Variants in KCTD7 observed in about 807,000 individuals in gnomAD.
KCTD7 encodes BTB/POZ domain-containing protein KCTD7.
A neutral mutation model predicts 27.0 loss-of-function variants in KCTD7; 15 were observed. The observed-to-expected ratio is 0.56, with a 90% CI of 0.37 to 0.86. The LOEUF (loss-of-function observed/expected upper bound fraction) is 0.86, where lower values mean the gene tolerates loss of function less well. KCTD7 is among the 40% of genes least tolerant of loss of function. The pLI, the probability that KCTD7 is intolerant of heterozygous loss-of-function variation, is 0.00. For synonymous variants in KCTD7, 159 were observed against 162.7 expected (o/e 0.98, Z 0.17); for missense variants, 299 against 398.9 (o/e 0.75, Z 2.13).
rs115778754 is a variant in KCTD7 at position 66,640,851 on chromosome 7, A to G, written c.*1619A>G. ...ATCGTAAAAATAAATAAATAAATAA[A>G]TAAATTGGGGAGGACAGCCTCACTG... is the stretch of plus-strand genomic sequence containing the variant. On this transcript the variant is annotated 3_prime_UTR_variant, in exon 4 of 4. Coordinates refer to ENST00000639828, the MANE Select transcript of KCTD7 (RefSeq NM_153033.5). 4.9e-4 allele frequency: 485 copies of G among 983,896 alleles called. 1 individual carries two copies. In the African/African-American group the frequency reaches 7.5e-3, roughly 15 times the overall value. 60.9% of individuals were successfully genotyped at this position (983,896 alleles called of 1,614,324 possible).
intron 1 of KCTD7, 70 bp downstream of exon 1, chr7:66,629,278 C>G: frequency 4.5e-6 from 1 of 224,400 alleles, no homozygotes; most frequent in Non-Finnish European, 7.4e-6. Flanking sequence ...CGGGGCATAG[C>G]GGTCCTCGGC....
In KCTD7 at chr7:66,640,515, A is replaced by G. The variant is rs1584400733; in HGVS notation, c.*1283A>G. The G allele has an allele frequency of 6.6e-7, 1 of 1,510,820 alleles. No homozygotes were observed. Among genetic ancestry groups the G allele is most frequent in the Non-Finnish European group, 8.8e-7 (1 of 1,134,636 alleles). 93.6% of individuals were successfully genotyped at this position (1,510,820 alleles called of 1,614,324 possible). A position where few individuals can be genotyped will look rare whatever the true frequency, so the allele number is the denominator to read the frequency against. ...CCTAAAGGAAGAACTGTGTAGCACCATTGATCACAATGTAACATTTCCATG... is the reference window on the plus strand; with the variant it reads ...CCTAAAGGAAGAACTGTGTAGCACCGTTGATCACAATGTAACATTTCCATG... On this transcript the variant is annotated 3_prime_UTR_variant, in exon 4 of 4. Coordinates refer to ENST00000639828, the MANE Select transcript of KCTD7 (RefSeq NM_153033.5).
Position 66,628,961 on chromosome 7 carries a change from C to G in KCTD7, c.-104C>G. 1 of 1,232,904 alleles carries G rather than the reference C, an allele frequency of 8.1e-7. No homozygotes were observed. 76.4% of individuals were successfully genotyped at this position (1,232,904 alleles called of 1,614,324 possible). On this transcript the variant is annotated 5_prime_UTR_variant, in exon 1 of 4. Transcript: ENST00000639828. ...TGCCTCTCGCCCCCCTCCGGCCAGC[C>G]CGCAGCCGGCCGCGTCATGCCAGGC...
chr7:66,629,414 T>C (rs1786395376), intron 1 of KCTD7, among the ~76,000 whole-genome samples: 2 of 118,118 alleles, frequency 1.7e-5, no homozygotes, highest in South Asian at 6.0e-4. Context: ...TTACACCCAC[T>C]AGGTGTGCTT....
intron 1 of KCTD7, among the ~76,000 whole-genome samples, chr7:66,631,820 G>A (rs776612091): frequency 2.0e-5 from 3 of 152,228 alleles, no homozygotes; most frequent in Admixed American, 6.5e-5. Flanking sequence ...TAGCTGGACC[G>A]GAAACCAGGC....
At chr7:66,643,174 A>C (rs1045585463), downstream of KCTD7, 43 of 979,036 alleles carry the variant, frequency 4.4e-5, no homozygotes, top group Non-Finnish European at 5.0e-5. Context: ...ACACAACAAG[A>C]CAGGCTTTTC....
At chr7:66,633,165 GTGAC>G in intron 1 of KCTD7, 106 bp from the exon 2 acceptor site, 1 of 1,106,742 alleles carries the variant, frequency 9.0e-7, no homozygotes, top group Non-Finnish European at 1.4e-6. Context: ...GTGGGCTTGA[GTGAC>G]TGAATGAATG....
chr7:66,642,467 G>C lies in KCTD7; in HGVS notation c.*3235G>C. On this transcript the variant is annotated 3_prime_UTR_variant, in exon 4 of 4. Coordinates refer to ENST00000639828, the MANE Select transcript of KCTD7 (RefSeq NM_153033.5). ...AGGAAGTGACATTTATAAGACACAGGCGGTGTGAGCATCCATGTGTGGTCT... is the reference window on the plus strand; with the variant it reads ...AGGAAGTGACATTTATAAGACACAGCCGGTGTGAGCATCCATGTGTGGTCT... 1.1e-5 allele frequency: 11 copies of C among 985,450 alleles called. No individual in the cohort carries two copies. Among genetic ancestry groups the C allele is most frequent in the Non-Finnish European group, 1.3e-5 (11 of 829,942 alleles). The allele number at this position is 985,450 out of a possible 1,614,324, so 61.0% of individuals were successfully genotyped here. A position where few individuals can be genotyped will look rare whatever the true frequency, so the allele number is the denominator to read the frequency against.
Position 66,642,062 on chromosome 7 carries a change from A to G in KCTD7, c.*2830A>G. 1.0e-6 allele frequency: 1 copy of G among 985,452 alleles called. No homozygotes were observed. The highest frequency in any genetic ancestry group is 1.2e-6 in the Non-Finnish European group (1 of 829,934). 61.0% of individuals were successfully genotyped at this position (985,452 alleles called of 1,614,324 possible). A position where few individuals can be genotyped will look rare whatever the true frequency, so the allele number is the denominator to read the frequency against. On this transcript the variant is annotated 3_prime_UTR_variant, in exon 4 of 4. Transcript: ENST00000639828. ...CGGGCCAGTAGTTATCAGTGAGTCA[A>G]AGCAAAGTGAAAGTTTCAGGAGATG...
At chr7:66,632,444 G>A (rs1348255674) in intron 1 of KCTD7, among the ~76,000 whole-genome samples, 2 of 142,498 alleles carry the variant, frequency 1.4e-5, no homozygotes, top group Admixed American at 7.3e-5. Flanking sequence ...CCGAGATCGC[G>A]CCACTGAACT....
At chr7:66,638,759 C>T (rs1786643883) in intron 3 of KCTD7, 97 bp from the exon 4 acceptor site, 1 of 1,470,302 alleles carries the variant, frequency 6.8e-7, no homozygotes, top group Non-Finnish European at 9.4e-7. Flanking sequence ...CTTTCCCCTC[C>T]TGCATCCTGC....
intron 1 of KCTD7, 36 bp downstream of exon 1, chr7:66,629,244 AGGGGCGCGGGGGAGAAGCGGGCGC>A: frequency 1.5e-6 from 1 of 651,866 alleles, no homozygotes; most frequent in Non-Finnish European, 1.9e-6. Flanking sequence ...GGGCGTGGGG[AGGGGCGCGGGGGAGAAGCGGGCGC>A]GGGGCATAGC....
Position 66,640,170 on chromosome 7 carries a change from C to G in KCTD7, c.*938C>G, listed in dbSNP as rs531686001. ...GGAAGGGGACCCCCTCTCTTTAAAC[C>G]CTGTTCCTCTGTCCTGGTAACATTC... is the stretch of plus-strand genomic sequence containing the variant. On this transcript the variant is annotated 3_prime_UTR_variant, in exon 4 of 4. Coordinates refer to ENST00000639828, the MANE Select transcript of KCTD7 (RefSeq NM_153033.5). 7.1e-7 allele frequency: 1 copy of G among 1,399,424 alleles called. No individual in the cohort carries two copies. The highest frequency in any genetic ancestry group is 1.5e-5 in the African/African-American group (1 of 68,508). 86.7% of individuals were successfully genotyped at this position (1,399,424 alleles called of 1,614,324 possible). A position where few individuals can be genotyped will look rare whatever the true frequency, so the allele number is the denominator to read the frequency against.
Position 66,634,113 on chromosome 7 carries a change from CATATATAT to C in KCTD7, c.314+686_314+693del, listed in dbSNP as rs3069693. ...ATATGTATATATGGGTGTGTGTATA[CATATATAT>C]ATATATATATATATATGTATATATA... On this transcript the variant is annotated intron_variant, in intron 2 of 3. Coordinates refer to ENST00000639828, the MANE Select transcript of KCTD7 (RefSeq NM_153033.5). Among the ~76,000 whole-genome samples, 77 of 132,258 alleles carry C rather than the reference CATATATAT, an allele frequency of 5.8e-4. 2 individuals are homozygous for C. Among genetic ancestry groups the C allele is most frequent in the Middle Eastern group, 7.6e-3 (2 of 264 alleles). 86.8% of individuals were successfully genotyped at this position (132,258 alleles called of 152,430 possible).
chr7:66,637,467 A>G (rs758173704), intron 2 of KCTD7, among the ~76,000 whole-genome samples: 10 of 152,222 alleles, frequency 6.6e-5, no homozygotes, highest in Admixed American at 1.3e-4. Context: ...TCCATCAACA[A>G]GACAACAGGG....
At chr7:66,638,511 A>G in intron 3 of KCTD7, 80 bp downstream of exon 3, 1 of 1,422,818 alleles carries the variant, frequency 7.0e-7, no homozygotes, top group Admixed American at 1.8e-5. Context: ...TCTCCATCAG[A>G]ACACCGGGGG....
rs775131916 is a variant in KCTD7 at position 66,641,917 on chromosome 7, G to T, written c.*2685G>T. The T allele has an allele frequency of 1.0e-6, 1 of 985,404 alleles. No individual in the cohort carries two copies. The highest frequency in any genetic ancestry group is 1.2e-6 in the Non-Finnish European group (1 of 829,922). The allele number at this position is 985,404 out of a possible 1,614,324, so 61.0% of individuals were successfully genotyped here. On this transcript the variant is annotated 3_prime_UTR_variant, in exon 4 of 4. Transcript: ENST00000639828. ...AAGAAGGGTTGGGTCTGGAAGGAAG[G>T]CTCCAAAGGATGAAAGCTTCTCCCT...
Position 66,638,457 on chromosome 7 carries a change from G to A in KCTD7, c.493+26G>A, listed in dbSNP as rs187113750. ...GTGAGGGTCAGCTGCCCAGGATGGT[G>A]GGTATGTGGGAGGAGGTCTGCAAGG... On this transcript the variant is annotated intron_variant, in intron 3 of 3. Transcript: ENST00000639828. 1.5e-5 allele frequency: 24 copies of A among 1,564,988 alleles called. No individual in the cohort carries two copies. The African/African-American group carries it at 2.6e-4, about 17-fold the overall frequency.
At chr7:66,634,192 TTCTATCTATCTATCTA>T (rs3069694) in intron 2 of KCTD7, among the ~76,000 whole-genome samples, 10 of 139,982 alleles carry the variant, frequency 7.1e-5, no homozygotes, top group East Asian at 2.1e-4. Flanking sequence ...ATGTGTGTGA[TTCTATCTATCTATCTA>T]TCTATCTATC....
Sources: allele counts gnomAD v4.1 joint callset (sites outside exome capture counted in the v4.1 genomes callset), GRCh38; gene constraint gnomAD v4.1.1; transcripts MANE v1.5; gene names NCBI Gene and HGNC (gene_info 2026-07-23, HGNC 2026-07-21).